The following LRP1B variants were observed in gnomAD, a reference collection of about 807,000 sequenced individuals.
LRP1B encodes LDL receptor related protein 1B.
Under a neutral mutation model 556.6 loss-of-function variants are expected in LRP1B, and 217 were observed. The observed-to-expected ratio is 0.39, with a 90% CI of 0.35 to 0.44. The LOEUF (loss-of-function observed/expected upper bound fraction) is 0.44, where lower values mean the gene tolerates loss of function less well. Among genes scored for constraint, LRP1B ranks in the 20% least tolerant of loss-of-function variants. The probability of loss-of-function intolerance (pLI) is 1.00; values close to 1 mark genes in which losing one functional copy is unlikely to be tolerated. For missense variants in LRP1B, 5,053 were observed against 5,620.8 expected (o/e 0.90, Z 3.23); for synonymous variants, 2,047 against 1,865.8 (o/e 1.10, Z -2.50).
intron 31 of LRP1B, among the ~76,000 whole-genome samples, chr2:140,837,615 C>G (rs1043818940): frequency 6.7e-6 from 1 of 150,108 alleles, no homozygotes; most frequent in Non-Finnish European, 1.5e-5. Context: ...TAAAAATATA[C>G]TTGGTGAGTT....
At chr2:140,257,243 C>A (rs1681735049) in intron 86 of LRP1B, among the ~76,000 whole-genome samples, 1 of 152,094 alleles carries the variant, frequency 6.6e-6, no homozygotes, top group African/African-American at 2.4e-5. Flanking sequence ...TTGTTATAAA[C>A]ATCTGAAATA....
intron 81 of LRP1B, among the ~76,000 whole-genome samples, chr2:140,322,920 A>G (rs1205729127): frequency 6.6e-6 from 1 of 151,998 alleles, no homozygotes; most frequent in Non-Finnish European, 1.5e-5. Flanking sequence ...ATAAAAAAGA[A>G]CTGGAGGATG....
chr2:140,390,014 C>T (rs1217492458), intron 66 of LRP1B, among the ~76,000 whole-genome samples: 1 of 151,910 alleles, frequency 6.6e-6, no homozygotes, highest in Non-Finnish European at 1.5e-5. Context: ...CCTGCAGTCC[C>T]AGCTACTTGG....
intron 37 of LRP1B, among the ~76,000 whole-genome samples, chr2:140,712,313 AT>A (rs535286208): frequency 3.4e-3 from 519 of 152,102 alleles, no homozygotes; most frequent in Middle Eastern, 6.8e-3. Context: ...AAAATTAAAT[AT>A]TTGCTTGATC....
intron 12 of LRP1B, among the ~76,000 whole-genome samples, chr2:141,017,916 A>T (rs763636322): frequency 2.0e-5 from 3 of 151,584 alleles, no homozygotes; most frequent in Non-Finnish European, 4.4e-5. Context: ...AGAATCGATC[A>T]CTTGAGTCCA....
intron 3 of LRP1B, among the ~76,000 whole-genome samples, chr2:141,385,160 G>C (rs1689784237): frequency 6.6e-6 from 1 of 152,122 alleles, no homozygotes; most frequent in Admixed American, 6.5e-5. Flanking sequence ...AAATGTTATA[G>C]ATGTTAATTG....
At chr2:141,299,890 T>C (rs1184112558) in intron 3 of LRP1B, among the ~76,000 whole-genome samples, 2 of 152,236 alleles carry the variant, frequency 1.3e-5, no homozygotes, top group Admixed American at 6.5e-5. Context: ...ATTGTTGTTA[T>C]GGATGGAATG....
intron 2 of LRP1B, among the ~76,000 whole-genome samples, chr2:141,751,808 G>A (rs756024654): frequency 2.0e-5 from 3 of 150,594 alleles, no homozygotes; most frequent in Non-Finnish European, 3.0e-5. Context: ...TATTTTCATA[G>A]CCTTGAAAAT....
chr2:141,072,067 C>T (rs1354414667), intron 7 of LRP1B, among the ~76,000 whole-genome samples: 2 of 152,148 alleles, frequency 1.3e-5, no homozygotes, highest in Non-Finnish European at 2.9e-5. Context: ...ATAAGACAGG[C>T]TAACATTTTG....
In LRP1B at chr2:141,254,582, T is replaced by C. The variant is rs200254400; in HGVS notation, c.403A>G (p.Ser135Gly). ...CCATCCTCACAGTAACATCTTGTACTATTTCTGACCATTGTACATTTATAC... is the reference window on the plus strand; with the variant it reads ...CCATCCTCACAGTAACATCTTGTACCATTTCTGACCATTGTACATTTATAC... ...CQYKCTMVRN[S>G]TRCYCEDGFE... Residue 135 changes from serine to glycine, a missense_variant, in exon 4 of 91, where the codon AGT (serine) becomes GGT (glycine). Around this residue, in one of 5 missense-constraint regions of LRP1B, gnomAD observed 3,619 missense variants for 3,931.9 expected, o/e 0.92. Transcript: ENST00000389484. 6.5e-5 allele frequency: 104 copies of C among 1,611,222 alleles called. No individual in the cohort carries two copies. Among genetic ancestry groups the C allele is most frequent in the Non-Finnish European group, 8.4e-5 (99 of 1,178,006 alleles).
intron 1 of LRP1B, among the ~76,000 whole-genome samples, chr2:142,110,012 C>G (rs192449131): frequency 3.5e-4 from 54 of 152,212 alleles, no homozygotes; most frequent in African/African-American, 1.3e-3. Context: ...TTAAAAGAGA[C>G]AAACCTAAGC....
chr2:141,013,023 T>C (rs1009273134), intron 14 of LRP1B, among the ~76,000 whole-genome samples: 3 of 151,922 alleles, frequency 2.0e-5, no homozygotes, highest in Non-Finnish European at 4.4e-5. Flanking sequence ...AAAATAATAT[T>C]ATCTGATTTT....
intron 66 of LRP1B, among the ~76,000 whole-genome samples, chr2:140,423,185 G>T (rs1685519492): frequency 6.6e-6 from 1 of 152,132 alleles, no homozygotes; most frequent in African/African-American, 2.4e-5. Flanking sequence ...AGAATCCCAT[G>T]TAATTGCTGT....
rs759996434 is a variant in LRP1B, at chr2:140,701,704, C to A, written c.6427+17G>T. The A allele has an allele frequency of 3.9e-5, 62 of 1,603,270 alleles. No homozygotes were observed. The highest frequency in any genetic ancestry group is 2.7e-5 in the African/African-American group (2 of 74,178). ...ACATAAAATATACATATTATGTATTCTTTCAAGAGTGCTGACCTTTCTCTC... is the reference window on the plus strand; with the variant it reads ...ACATAAAATATACATATTATGTATTATTTCAAGAGTGCTGACCTTTCTCTC... On this transcript the variant is annotated intron_variant, in intron 40 of 90. Coordinates refer to ENST00000389484, the MANE Select transcript of LRP1B (RefSeq NM_018557.3).
intron 1 of LRP1B, among the ~76,000 whole-genome samples, chr2:141,934,075 T>A (rs1178258574): frequency 6.6e-6 from 1 of 152,054 alleles, no homozygotes; most frequent in African/African-American, 2.4e-5. Context: ...ACAAAAGCAA[T>A]CAATTATAAA....
At chr2:141,205,660 T>G (rs1358087743) in intron 6 of LRP1B, among the ~76,000 whole-genome samples, 1 of 141,318 alleles carries the variant, frequency 7.1e-6, no homozygotes, top group Non-Finnish European at 1.5e-5. Flanking sequence ...TTTACTCAAT[T>G]GTATATTCTT....
chr2:140,401,572 A>C (rs1684504075), intron 66 of LRP1B, among the ~76,000 whole-genome samples: 1 of 152,188 alleles, frequency 6.6e-6, no homozygotes, highest in South Asian at 2.1e-4. Context: ...CTGGCTATGC[A>C]TCTCCACCTG....
At chr2:141,244,058 G>T (rs1198967854) in intron 5 of LRP1B, among the ~76,000 whole-genome samples, 1 of 152,144 alleles carries the variant, frequency 6.6e-6, no homozygotes, top group Non-Finnish European at 1.5e-5. Flanking sequence ...GGCAAGCTTT[G>T]GGGTGAATAG....
intron 1 of LRP1B, among the ~76,000 whole-genome samples, chr2:141,903,376 C>T (rs1699675568): frequency 6.6e-6 from 1 of 151,852 alleles, no homozygotes; most frequent in African/African-American, 2.4e-5. Context: ...CTCTGAGGTC[C>T]ATGTCTAACT....
Sources: allele counts gnomAD v4.1 joint callset (sites outside exome capture counted in the v4.1 genomes callset), GRCh38; gene constraint gnomAD v4.1.1; regional missense constraint gnomAD v4.1.1; transcripts MANE v1.5; gene names NCBI Gene and HGNC (gene_info 2026-07-23, HGNC 2026-07-21).